The following BANK1 variants were observed in gnomAD, a reference collection of about 807,000 sequenced individuals.
BANK1 encodes the protein B-cell scaffold protein with ankyrin repeats.
Under a neutral mutation model 94.5 loss-of-function variants are expected in BANK1, and 95 were observed. That is an observed-to-expected ratio of 1.00 (90% CI 0.85 to 1.19). The LOEUF is 1.19. BANK1 is among the 50% of genes most tolerant of loss of function. The probability of loss-of-function intolerance (pLI) is 0.00; values close to 1 mark genes in which losing one functional copy is unlikely to be tolerated. For missense variants in BANK1, 987 were observed against 932.2 expected, an observed-to-expected ratio of 1.06 and a Z score of -0.77; for synonymous variants, 334 against 308.4, an observed-to-expected ratio of 1.08 and a Z score of -0.87.
In BANK1 at chr4:102,067,861, A is replaced by G. The variant is rs114033133; in HGVS notation, c.2213-3414A>G. Among the ~76,000 whole-genome samples the G allele has an allele frequency of 9.6e-3, 1,464 of 152,212 alleles. 25 individuals carry two copies. Among genetic ancestry groups the G allele is most frequent in the African/African-American group, 0.032 (1,342 of 41,570 alleles). On this transcript the variant is annotated intron_variant, in intron 13 of 16. Coordinates refer to ENST00000322953, the MANE Select transcript of BANK1 (RefSeq NM_017935.5). ...CAGAATACATATTTATTAAAGGTATACATGGAGGTTCACCAAGATGAAACA... is the reference window on the plus strand; with the variant it reads ...CAGAATACATATTTATTAAAGGTATGCATGGAGGTTCACCAAGATGAAACA...
At chr4:101,923,431 C>A (rs1332110264) in intron 7 of BANK1, among the ~76,000 whole-genome samples, 1 of 151,724 alleles carries the variant, frequency 6.6e-6, no homozygotes, top group Non-Finnish European at 1.5e-5. Context: ...CATAAATAAT[C>A]AACCATGTAT....
chr4:102,010,794 A>C (rs1470029536), intron 7 of BANK1, among the ~76,000 whole-genome samples: 1 of 152,224 alleles, frequency 6.6e-6, no homozygotes, highest in African/African-American at 2.4e-5. Flanking sequence ...CACTTAGTTC[A>C]TGTTATTCAT....
intron 1 of BANK1, among the ~76,000 whole-genome samples, chr4:101,823,266 A>C (rs1726241582): frequency 6.6e-6 from 1 of 152,220 alleles, no homozygotes; most frequent in African/African-American, 2.4e-5. Context: ...TATATTTTCA[A>C]AAAATTTTCT....
intron 11 of BANK1, among the ~76,000 whole-genome samples, chr4:102,049,120 AC>A (rs1727969207): frequency 6.6e-6 from 1 of 152,094 alleles, no homozygotes; most frequent in African/African-American, 2.4e-5. Context: ...ACTGATTCAT[AC>A]CCCCAATTCC....
In BANK1 at chr4:101,948,301, G is replaced by T. The variant is rs559380784; in HGVS notation, c.1206+30112G>T. Among the ~76,000 whole-genome samples the T allele has an allele frequency of 3.3e-5, 5 of 152,126 alleles. No individual in the cohort carries two copies. The East Asian group carries it at 9.7e-4, about 30-fold the overall frequency. On this transcript the variant is annotated intron_variant, in intron 7 of 16. Coordinates refer to ENST00000322953, the MANE Select transcript of BANK1 (RefSeq NM_017935.5). ...TGTACAGTGATGCTATTGGTGTCAT[G>T]CTCAGATGTTATTTCCCTGGCCTGT... is the stretch of plus-strand genomic sequence containing the variant.
chr4:101,834,651 A>T (rs942488938), intron 2 of BANK1, among the ~76,000 whole-genome samples: 1 of 150,630 alleles, frequency 6.6e-6, no homozygotes, highest in Non-Finnish European at 1.5e-5. Context: ...ACAAAAAAAA[A>T]TGGGTGAAAT....
intron 2 of BANK1, among the ~76,000 whole-genome samples, chr4:101,842,652 A>G (rs1002031888): frequency 6.6e-6 from 1 of 152,246 alleles, no homozygotes; most frequent in East Asian, 1.9e-4. Context: ...TTAGATATAT[A>G]CGTACTCAAG....
At chr4:102,048,833 A>G (rs1220113468) in intron 11 of BANK1, among the ~76,000 whole-genome samples, 4 of 152,188 alleles carry the variant, frequency 2.6e-5, no homozygotes, top group Non-Finnish European at 5.9e-5. Flanking sequence ...GAAGAAAAAA[A>G]TAATTAATTG....
chr4:101,816,972 A>G (rs1027195858), intron 1 of BANK1, among the ~76,000 whole-genome samples: 1 of 152,106 alleles, frequency 6.6e-6, no homozygotes, highest in African/African-American at 2.4e-5. Flanking sequence ...TGGATCTCCT[A>G]TTGAGAGTTG....
chr4:101,895,028 G>T (rs1722013186), intron 5 of BANK1, among the ~76,000 whole-genome samples: 1 of 151,270 alleles, frequency 6.6e-6, no homozygotes, highest in Non-Finnish European at 1.5e-5. Flanking sequence ...ATATTTTATA[G>T]TTATAAAATA....
intron 2 of BANK1, among the ~76,000 whole-genome samples, chr4:101,836,139 C>T (rs1364750222): frequency 4.6e-5 from 7 of 151,946 alleles, no homozygotes; most frequent in Non-Finnish European, 7.4e-5. Flanking sequence ...ATTTTTTTAA[C>T]CATTTCTTTT....
intron 7 of BANK1, among the ~76,000 whole-genome samples, chr4:101,938,068 A>G (rs1323768693): frequency 6.6e-6 from 1 of 151,582 alleles, no homozygotes; most frequent in Admixed American, 6.6e-5. Context: ...GGAGGGGAAC[A>G]TGACACACTG....
intron 5 of BANK1, among the ~76,000 whole-genome samples, chr4:101,875,187 C>A (rs1170764997): frequency 1.4e-5 from 2 of 145,338 alleles, no homozygotes; most frequent in Non-Finnish European, 3.0e-5. Flanking sequence ...TTCACTGATC[C>A]TCTGGGAGCA....
chr4:101,820,873 T>C (rs1281414904), intron 1 of BANK1, among the ~76,000 whole-genome samples: 5 of 152,208 alleles, frequency 3.3e-5, no homozygotes, highest in East Asian at 3.8e-4. Context: ...CAATCTGTCA[T>C]TGATGGGCTC....
intron 1 of BANK1, among the ~76,000 whole-genome samples, chr4:101,792,407 T>C (rs1578319677): frequency 6.6e-6 from 1 of 151,580 alleles, no homozygotes; most frequent in South Asian, 2.1e-4. Flanking sequence ...ATTCTTGATA[T>C]GAGTAATCTT....
At chr4:101,940,919 A>T (rs546135048) in intron 7 of BANK1, among the ~76,000 whole-genome samples, 2 of 151,816 alleles carry the variant, frequency 1.3e-5, no homozygotes, top group South Asian at 4.1e-4. Flanking sequence ...GACGTCACTA[A>T]GCACAATCCA....
At chr4:101,983,978 T>C (rs1306972382) in intron 7 of BANK1, among the ~76,000 whole-genome samples, 1 of 152,058 alleles carries the variant, frequency 6.6e-6, no homozygotes, top group Admixed American at 6.6e-5. Flanking sequence ...AATCATAATA[T>C]GTTCTGACTG....
rs753194099 is a variant in BANK1 at position 101,790,930 on chromosome 4, C to G, written c.50C>G (p.Pro17Arg). The G allele has an allele frequency of 3.5e-5, 54 of 1,530,478 alleles. 1 individual carries two copies. The South Asian group carries it at 5.7e-4, about 16-fold the overall frequency. 94.8% of individuals were successfully genotyped at this position (1,530,478 alleles called of 1,614,324 possible). A position where few individuals can be genotyped will look rare whatever the true frequency, so the allele number is the denominator to read the frequency against. Reference sequence around the variant, plus strand: ...GGGCTTGGGAGCCCGGACCCCGCCCCCTGCGGCCCAGCGCCCCCAGGTGGG... The same window carrying G: ...GGGCTTGGGAGCCCGGACCCCGCCCGCTGCGGCCCAGCGCCCCCAGGTGGG... The part of the protein sequence containing the change: ...GKGLGSPDPA[P>R]CGPAPPGNTK... Residue 17 changes from proline to arginine, a missense_variant, in exon 1 of 17, where the codon CCC becomes CGC. Coordinates refer to ENST00000322953, the MANE Select transcript of BANK1 (RefSeq NM_017935.5).
intron 5 of BANK1, among the ~76,000 whole-genome samples, chr4:101,872,365 A>T (rs1728324371): frequency 6.6e-6 from 1 of 152,140 alleles, no homozygotes; most frequent in African/African-American, 2.4e-5. Flanking sequence ...TGAGACTGGG[A>T]TCTCAGACCA....
Sources: allele counts gnomAD v4.1 joint callset (sites outside exome capture counted in the v4.1 genomes callset), GRCh38; gene constraint gnomAD v4.1.1; transcripts MANE v1.5; gene names NCBI Gene and HGNC (gene_info 2026-07-23, HGNC 2026-07-21).